NUP210: variants seen among roughly 807,000 people sequenced by gnomAD.
NUP210 encodes the protein nuclear pore membrane glycoprotein 210.
NUP210 carries 151 observed loss-of-function variants against 196.0 expected under a neutral mutation model. That is an observed-to-expected ratio of 0.77 (90% CI 0.67 to 0.88). The LOEUF is 0.88. Among genes scored for constraint, NUP210 ranks in the 40% least tolerant of loss-of-function variants. NUP210 has a pLI of 0.00. For missense variants in NUP210, 2,314 were observed against 2,493.7 expected (o/e 0.93, Z 1.53); for synonymous variants, 1,070 against 1,052.7 (o/e 1.02, Z -0.32).
At chr3:13,405,043 TAA>T (rs754953608) in intron 1 of NUP210, among the ~76,000 whole-genome samples, 2 of 152,122 alleles carry the variant, frequency 1.3e-5, no homozygotes, top group East Asian at 3.9e-4. Context: ...TTTATTAAAA[TAA>T]AAGTGTGCTG....
In NUP210 at chr3:13,330,456, C is replaced by G; in HGVS notation, c.4110+4G>C. The G allele has an allele frequency of 6.2e-7, 1 of 1,613,584 alleles. No individual in the cohort carries two copies. On this transcript the variant is annotated splice_donor_region_variant and intron_variant, in intron 30 of 39. Transcript: ENST00000254508. ...CTCCAAAAAGGAGGAGAATGCAACC[C>G]TACCTTTACAGCAACAATGATGGTT...
chr3:13,391,399 C>G (rs527792816), intron 3 of NUP210, 92 bp from the exon 4 acceptor site: 1 of 761,486 alleles, frequency 1.3e-6, no homozygotes, highest in Admixed American at 2.1e-5. Flanking sequence ...CATGCAGGAA[C>G]CACACTCCAC....
Position 13,323,877 on chromosome 3 carries a change from T to C in NUP210, c.4645-445A>G, listed in dbSNP as rs1290626066. On this transcript the variant is annotated intron_variant, in intron 33 of 39. Transcript: ENST00000254508. The surrounding 1 kb of genome is among the most constrained non-coding windows in gnomAD (Gnocchi z 4.3). ...AACAGCCCCAGGCTGGAGACCTCCC[T>C]GCACTCCCTTGGCTAGGACACCCTC... 6.6e-6 allele frequency among the ~76,000 whole-genome samples: 1 copy of C among 152,100 alleles called. No homozygotes were observed. The highest frequency in any genetic ancestry group is 1.5e-5 in the Non-Finnish European group (1 of 67,998).
chr3:13,418,496 G>A (rs1700418843), intron 1 of NUP210, among the ~76,000 whole-genome samples: 1 of 152,064 alleles, frequency 6.6e-6, no homozygotes, highest in Admixed American at 6.5e-5. Flanking sequence ...CAGCATTTTG[G>A]GAAGCTGAGG....
Position 13,420,241 on chromosome 3 carries a change from ACCTCCCGCGACCCTGCGCCCGG to A in NUP210, c.-37_-16del. On this transcript the variant is annotated 5_prime_UTR_variant, in exon 1 of 40. Coordinates refer to ENST00000254508, the MANE Select transcript of NUP210 (RefSeq NM_024923.4). The surrounding 1 kb of genome is among the most constrained non-coding windows in gnomAD (Gnocchi z 4.8). ...CGCGCCGCCATCCTCGCCGCGCGTCACCTCCCGCGACCCTGCGCCCGGCCGCCCGCGCCGCCCCGTTGCCCTC... is the reference window on the plus strand; with the variant it reads ...CGCGCCGCCATCCTCGCCGCGCGTCACCGCCCGCGCCGCCCCGTTGCCCTC... The A allele has an allele frequency of 4.6e-6, 5 of 1,080,542 alleles. No individual in the cohort carries two copies. The highest frequency in any genetic ancestry group is 4.5e-6 in the Non-Finnish European group (4 of 892,558). 66.9% of individuals were successfully genotyped at this position (1,080,542 alleles called of 1,614,324 possible). A position where few individuals can be genotyped will look rare whatever the true frequency, so the allele number is the denominator to read the frequency against.
chr3:13,339,431 C>T (rs930491775), intron 25 of NUP210, among the ~76,000 whole-genome samples: 8 of 152,250 alleles, frequency 5.3e-5, no homozygotes, highest in African/African-American at 1.7e-4. Flanking sequence ...CGAGATGCTT[C>T]TGCAAGTCAC....
In NUP210 at chr3:13,341,782, C is replaced by A. The variant is rs199549516; in HGVS notation, c.3194G>T (p.Gly1065Val). ...SLTASVTNKA[G>V]QRINSAPQQI... ...TTGTGGGGCTGAGTTGATTCTCTGT[C>A]CAGCTTTATTGGTCACACTTGCAGT... The change falls in exon 23 of 40, where the codon GGA becomes GTA. Residue 1065 changes from glycine (G) to valine (V), a missense_variant. Gly to Val is a moderately radical substitution (Grantham distance 109). Coordinates refer to ENST00000254508, the MANE Select transcript of NUP210 (RefSeq NM_024923.4). The A allele has an allele frequency of 1.5e-4, 248 of 1,614,232 alleles. 1 individual carries two copies. In the East Asian group the frequency reaches 5.3e-3, roughly 35 times the overall value.
chr3:13,332,929 CTG>C (rs1313340046), intron 28 of NUP210, among the ~76,000 whole-genome samples: 1 of 152,216 alleles, frequency 6.6e-6, no homozygotes, highest in African/African-American at 2.4e-5. Context: ...CTCAGGATAA[CTG>C]TGCCAGGACT....
intron 28 of NUP210, among the ~76,000 whole-genome samples, chr3:13,334,247 C>T (rs565647518): frequency 6.6e-6 from 1 of 152,236 alleles, no homozygotes; most frequent in Non-Finnish European, 1.5e-5. Flanking sequence ...AGTGACCCAA[C>T]TGAGGTTACA....
intron 8 of NUP210, 140 bp downstream of exon 8, chr3:13,378,772 G>T: frequency 1.5e-6 from 1 of 682,666 alleles, no homozygotes; most frequent in South Asian, 1.7e-5. Flanking sequence ...TGAGTGCCCT[G>T]GGCAATGATG....
At chr3:13,367,216 C>T (rs1179392707) in intron 13 of NUP210, among the ~76,000 whole-genome samples, 1 of 152,102 alleles carries the variant, frequency 6.6e-6, no homozygotes, top group Admixed American at 6.5e-5. Context: ...GTGGGAGGAT[C>T]ACCTGAGGTC....
At position 13,387,369 on chromosome 3, in the gene NUP210, C is replaced by A. The variant is rs1699310429; in HGVS notation, c.684+934G>T. Among the ~76,000 whole-genome samples the A allele has an allele frequency of 2.6e-5, 4 of 152,238 alleles. No individual in the cohort carries two copies. In the South Asian group the frequency reaches 8.3e-4, roughly 31 times the overall value. ...GGCCACTGAATGTCTATGGGCAGGA[C>A]AGCAAGTCTGCCTTTCCAGCTTAGC... On this transcript the variant is annotated intron_variant, in intron 5 of 39. Coordinates refer to ENST00000254508, the MANE Select transcript of NUP210 (RefSeq NM_024923.4).
At position 13,332,336 on chromosome 3, in the gene NUP210, T is replaced by C. The variant is rs771487577; in HGVS notation, c.3892A>G (p.Ile1298Val). 6.2e-7 allele frequency: 1 copy of C among 1,613,898 alleles called. No individual in the cohort carries two copies. The highest frequency in any genetic ancestry group is 8.5e-7 in the Non-Finnish European group (1 of 1,179,832). ...ATATATGAGTTGGGCGACATTAATA[T>C]TTGTTCTGCTTCTATTTCAGGGTTG... ...LLNPEIEAEQ[I>V]LMSPNSYIKL... Residue 1298 changes from isoleucine (I) to valine (V), a missense_variant, in exon 29 of 40, where the codon ATA becomes GTA. By Grantham distance (29) the Ile-to-Val change is conservative. Coordinates refer to ENST00000254508, the MANE Select transcript of NUP210 (RefSeq NM_024923.4).
rs2271508 is a variant in NUP210 at position 13,340,039 on chromosome 3, C to G, written c.3292-6G>C. The G allele has an allele frequency of 6.2e-7, 1 of 1,612,642 alleles. No homozygotes were observed. ...GGGCCGCCCTCGGAGGTGACCTGAG[C>G]GGGGAGGAAACAGCGGCGTGTCAGT... On this transcript the variant is annotated splice_region_variant and splice_polypyrimidine_tract_variant and intron_variant, in intron 24 of 39. Coordinates refer to ENST00000254508, the MANE Select transcript of NUP210 (RefSeq NM_024923.4). This position sits in a 1 kb window ranked among gnomAD's most constrained non-coding sequence, Gnocchi z 4.0.
intron 2 of NUP210, among the ~76,000 whole-genome samples, chr3:13,398,738 A>G (rs1254278807): frequency 6.6e-6 from 1 of 152,048 alleles, no homozygotes; most frequent in Non-Finnish European, 1.5e-5. Context: ...TGGACAACAC[A>G]GGGAGACGCC....
chr3:13,403,822 C>T (rs1699918374), intron 1 of NUP210, among the ~76,000 whole-genome samples: 1 of 152,210 alleles, frequency 6.6e-6, no homozygotes, highest in Non-Finnish European at 1.5e-5. Flanking sequence ...AGGTGGCTCC[C>T]ACCCTTCAGG....
intron 5 of NUP210, among the ~76,000 whole-genome samples, chr3:13,388,050 A>G (rs547083990): frequency 1.5e-4 from 23 of 152,248 alleles, no homozygotes; most frequent in Admixed American, 4.6e-4. Flanking sequence ...ACCTCCCTAG[A>G]AACTAAGAAT....
At chr3:13,393,443 G>C (rs1055510631) in intron 3 of NUP210, among the ~76,000 whole-genome samples, 1 of 152,374 alleles carries the variant, frequency 6.6e-6, no homozygotes, top group South Asian at 2.1e-4. Flanking sequence ...TTCAAGGGCA[G>C]AAAGTGTCCT....
Position 13,319,896 on chromosome 3 carries a change from G to A in NUP210, c.5250C>T (p.Gly1750=), listed in dbSNP as rs151115431. 22 of 1,614,036 alleles carry A rather than the reference G, an allele frequency of 1.4e-5. No individual in the cohort carries two copies. The African/African-American group carries it at 1.6e-4, about 12-fold the overall frequency. Residue 1750 remains glycine (G), a synonymous_variant, in exon 37 of 40, where the codon GGC becomes GGT. Coordinates refer to ENST00000254508, the MANE Select transcript of NUP210 (RefSeq NM_024923.4). The part of the protein sequence containing the change: ...GWPSFITYTV[G]VLDPAAGSQG... ...GGCTGCCAGCCGCGGGGTCCAAGACGCCGACCGTGTATGTGATGAAGCTGG... is the reference window on the plus strand; with the variant it reads ...GGCTGCCAGCCGCGGGGTCCAAGACACCGACCGTGTATGTGATGAAGCTGG...
Sources: allele counts gnomAD v4.1 joint callset (sites outside exome capture counted in the v4.1 genomes callset), GRCh38; gene constraint gnomAD v4.1.1; non-coding constraint Gnocchi (gnomAD v3.1); transcripts MANE v1.5; gene names NCBI Gene and HGNC (gene_info 2026-07-23, HGNC 2026-07-21).